LEPR: variants seen among roughly 807,000 people sequenced by gnomAD.
LEPR encodes the protein OB receptor.
In LEPR, 56 loss-of-function variants were observed where a neutral mutation model predicts 114.7. The observed-to-expected ratio is 0.49, with a 90% CI of 0.39 to 0.61. The LOEUF is 0.61. Among genes scored for constraint, LEPR ranks in the 20% least tolerant of loss-of-function variants. The pLI is 0.00. For synonymous variants in LEPR, 443 were observed against 461.4 expected (o/e 0.96, Z 0.51); for missense variants, 1,202 against 1,352.9 (o/e 0.89, Z 1.75).
chr1:65,629,734 C>G (rs1658420191), intron 19 of LEPR, among the ~76,000 whole-genome samples: 1 of 151,602 alleles, frequency 6.6e-6, no homozygotes, highest in Admixed American at 6.6e-5. Flanking sequence ...TCCCTCCCCT[C>G]CCATTATATA....
intron 2 of LEPR, among the ~76,000 whole-genome samples, chr1:65,523,609 C>T (rs765947914): frequency 6.6e-6 from 1 of 152,038 alleles, no homozygotes; most frequent in Admixed American, 6.6e-5. Flanking sequence ...CCATGCCCGG[C>T]GATACTTATT....
chr1:65,449,260 C>CTT (rs201429452), intron 2 of LEPR, among the ~76,000 whole-genome samples: 4,523 of 118,424 alleles, frequency 0.038, 138 homozygotes, highest in South Asian at 0.097. Context: ...TTTTATTTAT[C>CTT]TTTTTTTTTT....
intron 3 of LEPR, among the ~76,000 whole-genome samples, chr1:65,566,662 A>C (rs969713168): frequency 3.3e-5 from 5 of 152,264 alleles, no homozygotes; most frequent in Admixed American, 2.6e-4. Context: ...TGATTTGGCA[A>C]TTGTTTATCT....
At position 65,619,987 on chromosome 1, in the gene LEPR, G is replaced by A; in HGVS notation, c.2455G>A (p.Val819Met). The A allele has an allele frequency of 6.2e-7, 1 of 1,612,136 alleles. No individual in the cohort carries two copies. The highest frequency in any genetic ancestry group is 8.5e-7 in the Non-Finnish European group (1 of 1,178,584). Residue 819 changes from valine (V) to methionine (M), a missense_variant, in exon 17 of 20, where the codon GTG (valine) becomes ATG (methionine). Transcript: ENST00000349533. Reference sequence around the variant, plus strand: ...TCTTTACCCAATATTTATGGAAGGAGTGGGAAAACCAAAGATAATTAATAG... The same window carrying A: ...TCTTTACCCAATATTTATGGAAGGAATGGGAAAACCAAAGATAATTAATAG... ...FSLYPIFMEG[V>M]GKPKIINSFT...
rs542413644 is a variant in LEPR, at chr1:65,573,886, C to T, written c.494+1437C>T. Among the ~76,000 whole-genome samples the T allele has an allele frequency of 2.6e-5, 4 of 152,182 alleles. No homozygotes were observed. In the South Asian group the frequency reaches 8.3e-4, roughly 32 times the overall value. Reference sequence around the variant, plus strand: ...GTATTTCATGTCATTGCACTGTACACTTAAAATGGTTGAAATGTTAAATTT... The same window carrying T: ...GTATTTCATGTCATTGCACTGTACATTTAAAATGGTTGAAATGTTAAATTT... On this transcript the variant is annotated intron_variant, in intron 5 of 19. Transcript: ENST00000349533.
intron 2 of LEPR, among the ~76,000 whole-genome samples, chr1:65,483,288 G>A (rs922330425): frequency 6.6e-6 from 1 of 151,900 alleles, no homozygotes; most frequent in African/African-American, 2.4e-5. Context: ...ACAATACCAT[G>A]GACATGTTCT....
chr1:65,570,725 A>G lies in LEPR; in HGVS notation c.293A>G (p.Asn98Ser). The G allele has an allele frequency of 1.2e-6, 2 of 1,610,624 alleles. No individual in the cohort carries two copies. Among genetic ancestry groups the G allele is most frequent in the Non-Finnish European group, 1.7e-6 (2 of 1,177,398 alleles). ...TGCTTTCGGAGTGAGCAAGATAGAA[A>G]CTGCTCCTTATGTGCAGACAACATT... ...HCCFRSEQDR[N>S]CSLCADNIEG... Residue 98 changes from asparagine (N) to serine (S), a missense_variant, in exon 4 of 20, where the codon AAC (asparagine) becomes AGC (serine). Coordinates refer to ENST00000349533, the MANE Select transcript of LEPR (RefSeq NM_002303.6).
chr1:65,457,904 C>T (rs1646897544), intron 2 of LEPR, among the ~76,000 whole-genome samples: 1 of 152,224 alleles, frequency 6.6e-6, no homozygotes, highest in African/African-American at 2.4e-5. Context: ...AATGGTTCAC[C>T]TGCATGAGTT....
chr1:65,610,966 T>G (rs1453750919), intron 14 of LEPR, among the ~76,000 whole-genome samples: 1 of 152,228 alleles, frequency 6.6e-6, no homozygotes, highest in Non-Finnish European at 1.5e-5. Flanking sequence ...GAAAATGGTT[T>G]CCTGATGTAA....
At chr1:65,513,364 A>G (rs1317166784) in intron 2 of LEPR, among the ~76,000 whole-genome samples, 2 of 152,250 alleles carry the variant, frequency 1.3e-5, no homozygotes, top group Non-Finnish European at 2.9e-5. Context: ...TGCCTATACT[A>G]ATAAAGGTTT....
intron 2 of LEPR, among the ~76,000 whole-genome samples, chr1:65,506,550 C>T (rs768851733): frequency 3.9e-5 from 6 of 152,246 alleles, no homozygotes; most frequent in African/African-American, 9.6e-5. Flanking sequence ...ACAGATCCAG[C>T]GCTGTTAACT....
chr1:65,489,977 G>A (rs562229332), intron 2 of LEPR, among the ~76,000 whole-genome samples: 102 of 152,240 alleles, frequency 6.7e-4, no homozygotes, highest in Non-Finnish European at 1.2e-3. Context: ...ATTAGCAATA[G>A]AAACAGTATA....
chr1:65,460,700 T>C (rs1464411228), intron 2 of LEPR, among the ~76,000 whole-genome samples: 1 of 151,704 alleles, frequency 6.6e-6, no homozygotes, highest in Non-Finnish European at 1.5e-5. Flanking sequence ...CTACTAAAAA[T>C]ACAAAAATTA....
intron 19 of LEPR, among the ~76,000 whole-genome samples, chr1:65,625,490 CT>C (rs372324639): frequency 1.2e-3 from 178 of 151,194 alleles, no homozygotes; most frequent in African/African-American, 3.9e-3. Context: ...AATAGCATTA[CT>C]TTTTTTTTGT....
intron 1 of LEPR, among the ~76,000 whole-genome samples, chr1:65,420,972 A>G (rs1409177159): frequency 1.3e-5 from 2 of 152,166 alleles, no homozygotes; most frequent in Admixed American, 1.3e-4. Context: ...CCTGCTCTCC[A>G]GTGGCGGCAC....
chr1:65,618,152 T>C lies in LEPR; in HGVS notation c.2395+6T>C. 6.3e-7 allele frequency: 1 copy of C among 1,597,412 alleles called. No homozygotes were observed. Among genetic ancestry groups the C allele is most frequent in the East Asian group, 2.2e-5 (1 of 44,516 alleles). On this transcript the variant is annotated splice_donor_region_variant and intron_variant, in intron 16 of 19. Coordinates refer to ENST00000349533, the MANE Select transcript of LEPR (RefSeq NM_002303.6). Reference sequence around the variant, plus strand: ...TAAGAAGTATTATATCCATGGTAAGTTTACTATACTTTAGTAAGTTGCTCT... The same window carrying C: ...TAAGAAGTATTATATCCATGGTAAGCTTACTATACTTTAGTAAGTTGCTCT...
Position 65,638,126 on chromosome 1 carries a change from A to G in LEPR, c.*1111A>G, listed in dbSNP as rs1292122963. 1.3e-5 allele frequency: 2 copies of G among 152,164 alleles called. No individual in the cohort carries two copies. The highest frequency in any genetic ancestry group is 2.9e-5 in the Non-Finnish European group (2 of 68,028). 9.4% of individuals were successfully genotyped at this position (152,164 alleles called of 1,614,324 possible). A position where few individuals can be genotyped will look rare whatever the true frequency, so the allele number is the denominator to read the frequency against. On this transcript the variant is annotated 3_prime_UTR_variant, in exon 20 of 20. Coordinates refer to ENST00000349533, the MANE Select transcript of LEPR (RefSeq NM_002303.6). ...CACTTTGGGAGGCTGAGGCGGGTGGATCGCTTGAGCTCAGAAGTCTTGAAA... is the reference window on the plus strand; with the variant it reads ...CACTTTGGGAGGCTGAGGCGGGTGGGTCGCTTGAGCTCAGAAGTCTTGAAA...
At chr1:65,426,664 A>C (rs1646378109) in intron 2 of LEPR, among the ~76,000 whole-genome samples, 1 of 152,164 alleles carries the variant, frequency 6.6e-6, no homozygotes, top group African/African-American at 2.4e-5. Flanking sequence ...GAGAGTTCTT[A>C]GATGTCTCCC....
intron 2 of LEPR, chr1:65,432,721 G>T: frequency 1.2e-6 from 1 of 822,364 alleles, no homozygotes; most frequent in Non-Finnish European, 1.5e-6. Context: ...AGGAATAAGT[G>T]TGATTTTTTT....
Sources: allele counts gnomAD v4.1 joint callset (sites outside exome capture counted in the v4.1 genomes callset), GRCh38; gene constraint gnomAD v4.1.1; transcripts MANE v1.5; gene names NCBI Gene and HGNC (gene_info 2026-07-23, HGNC 2026-07-21).